The following IL15 variants were observed in gnomAD, a reference collection of about 807,000 sequenced individuals.
The protein encoded by IL15 is interleukin 15.
In IL15, 11 loss-of-function variants were observed where a neutral mutation model predicts 19.6. The ratio of observed to expected loss-of-function variants is 0.56; its 90% CI spans 0.35 to 0.93. The LOEUF (loss-of-function observed/expected upper bound fraction) is 0.93. Ranked by LOEUF, IL15 falls within the 40% of genes least tolerant of loss-of-function variation. IL15 has a pLI of 0.01. For missense variants in IL15, 197 were observed against 186.5 expected (o/e 1.06, Z -0.33); for synonymous variants, 58 against 59.6 (o/e 0.97, Z 0.12).
chr4:141,659,082 C>T (rs964476651), intron 2 of IL15, among the ~76,000 whole-genome samples: 3 of 152,024 alleles, frequency 2.0e-5, no homozygotes, highest in Non-Finnish European at 2.9e-5. Flanking sequence ...ATCTCCTGAC[C>T]TTGTGATCCA....
rs574902761 is a variant in IL15, at chr4:141,679,544, C to T, written c.-100+23237C>T. Among the ~76,000 whole-genome samples, 368 of 152,124 alleles carry T rather than the reference C, an allele frequency of 2.4e-3. 1 individual carries two copies. Among genetic ancestry groups the T allele is most frequent in the Non-Finnish European group, 3.9e-3 (264 of 67,982 alleles). ...TGATCTCAAAGGTGTTCCTTTTATTCTCTTTCTTTTATTTAACCAGAAATA... is the reference window on the plus strand; with the variant it reads ...TGATCTCAAAGGTGTTCCTTTTATTTTCTTTCTTTTATTTAACCAGAAATA... On this transcript the variant is annotated intron_variant, in intron 2 of 7. Coordinates refer to ENST00000320650, the MANE Select transcript of IL15 (RefSeq NM_000585.5).
chr4:141,659,501 A>G, intron 2 of IL15, among the ~76,000 whole-genome samples: 1 of 152,168 alleles, frequency 6.6e-6, no homozygotes, highest in East Asian at 1.9e-4. Flanking sequence ...GCACCTGGCC[A>G]GTGTCTTATT....
At chr4:141,690,122 G>A (rs888285523) in intron 2 of IL15, among the ~76,000 whole-genome samples, 3 of 152,156 alleles carry the variant, frequency 2.0e-5, no homozygotes, top group Non-Finnish European at 4.4e-5. Context: ...CTCATTGCCC[G>A]GGGCCAGCAC....
chr4:141,676,009 GA>G (rs1047553498), intron 2 of IL15, among the ~76,000 whole-genome samples: 2 of 151,910 alleles, frequency 1.3e-5, no homozygotes, highest in African/African-American at 4.8e-5. Context: ...CTACTCTGGG[GA>G]AAAAAAGCCA....
At position 141,732,896 on chromosome 4, in the gene IL15, T is replaced by C; in HGVS notation, c.*48T>C. 2 of 1,587,068 alleles carry C rather than the reference T, an allele frequency of 1.3e-6. No homozygotes were observed. Among genetic ancestry groups the C allele is most frequent in the Non-Finnish European group, 1.7e-6 (2 of 1,170,202 alleles). ...TGTTTCTGTTATTAACAAACATCAC[T>C]CTGCTGCTTAGACATAACAAAACAC... On this transcript the variant is annotated 3_prime_UTR_variant, in exon 8 of 8. Transcript: ENST00000320650.
chr4:141,717,743 C>T (rs1579048111), intron 2 of IL15: 1 of 152,256 alleles, frequency 6.6e-6, no homozygotes, highest in African/African-American at 2.4e-5. Context: ...TCACCACAAC[C>T]TCTTTCTCCC....
intron 2 of IL15, among the ~76,000 whole-genome samples, chr4:141,708,739 G>T (rs1446885427): frequency 6.6e-6 from 1 of 152,096 alleles, no homozygotes; most frequent in Non-Finnish European, 1.5e-5. Context: ...TGTTGCCACT[G>T]CCAGGGTGCT....
In IL15 at chr4:141,656,294, C is replaced by T. The variant is rs1200412056; in HGVS notation, c.-113C>T. 1 of 398,070 alleles carries T rather than the reference C, an allele frequency of 2.5e-6. No individual in the cohort carries two copies. The highest frequency in any genetic ancestry group is 4.4e-6 in the Non-Finnish European group (1 of 225,862). The allele number at this position is 398,070 out of a possible 1,614,324, so 24.7% of individuals were successfully genotyped here. A position where few individuals can be genotyped will look rare whatever the true frequency, so the allele number is the denominator to read the frequency against. On this transcript the variant is annotated 5_prime_UTR_variant, in exon 2 of 8. Transcript: ENST00000320650. ...AAATCAATGTTAGCAGATAGCCAGC[C>T]CATACAAGATCGTGTAAGTAAAGTT... is the stretch of plus-strand genomic sequence containing the variant.
At chr4:141,676,906 C>T (rs925373035) in intron 2 of IL15, among the ~76,000 whole-genome samples, 1 of 152,098 alleles carries the variant, frequency 6.6e-6, no homozygotes, top group Non-Finnish European at 1.5e-5. Context: ...GTGCCAGTGC[C>T]ACACTATGAG....
rs369940493 is a variant in IL15 at position 141,732,725 on chromosome 4, C to A, written c.379-13C>A. The A allele has an allele frequency of 2.9e-4, 459 of 1,605,626 alleles. 1 individual carries two copies. The East Asian group carries it at 3.2e-3, about 11-fold the overall frequency. ...TATAAATTGCCAATTTAATCTCTCT[C>A]TATATTTTGCAGAATGTAACAGAAT... On this transcript the variant is annotated splice_polypyrimidine_tract_variant and intron_variant, in intron 7 of 7. Transcript: ENST00000320650.
chr4:141,711,167 G>A (rs1039409209), intron 2 of IL15, among the ~76,000 whole-genome samples: 3 of 152,080 alleles, frequency 2.0e-5, no homozygotes, highest in East Asian at 3.8e-4. Flanking sequence ...TCTTAAAATT[G>A]TATCTCAATA....
chr4:141,639,755 C>G (rs890037868), intron 1 of IL15, among the ~76,000 whole-genome samples: 4 of 152,188 alleles, frequency 2.6e-5, no homozygotes, highest in African/African-American at 9.6e-5. Flanking sequence ...GATTTACTTA[C>G]CCGTTGATTA....
At chr4:141,678,857 C>T (rs940844988) in intron 2 of IL15, among the ~76,000 whole-genome samples, 11 of 152,134 alleles carry the variant, frequency 7.2e-5, no homozygotes, top group Admixed American at 3.3e-4. Context: ...GCCCAGGCCT[C>T]CCAAAGTGTT....
chr4:141,700,333 A>G (rs1033508079), intron 2 of IL15, among the ~76,000 whole-genome samples: 5 of 152,168 alleles, frequency 3.3e-5, no homozygotes, highest in African/African-American at 1.2e-4. Flanking sequence ...AAATTCCCTC[A>G]GTGTTTGTTT....
intron 4 of IL15, chr4:141,721,079 T>A: frequency 7.2e-7 from 1 of 1,388,422 alleles, no homozygotes; most frequent in Non-Finnish European, 9.9e-7. Flanking sequence ...TATACCCAGT[T>A]GGCCCAAAGC....
At chr4:141,682,270 T>G (rs748804822) in intron 2 of IL15, among the ~76,000 whole-genome samples, 7 of 152,190 alleles carry the variant, frequency 4.6e-5, no homozygotes, top group Non-Finnish European at 8.8e-5. Flanking sequence ...AATATCTACC[T>G]CTCCTTAAAT....
In IL15 at chr4:141,727,941, C is replaced by A; in HGVS notation, c.197C>A (p.Ser66Tyr). 2 of 1,268,464 alleles carry A rather than the reference C, an allele frequency of 1.6e-6. No individual in the cohort carries two copies. Among genetic ancestry groups the A allele is most frequent in the Non-Finnish European group, 2.3e-6 (2 of 887,220 alleles). The allele number at this position is 1,268,464 out of a possible 1,614,324, so 78.6% of individuals were successfully genotyped here. A position where few individuals can be genotyped will look rare whatever the true frequency, so the allele number is the denominator to read the frequency against. Residue 66 changes from serine to tyrosine, a missense_variant and splice_region_variant, in exon 6 of 8, where the codon TCT (serine) becomes TAT (tyrosine). By Grantham distance (144) the Ser-to-Tyr change is moderately radical (BLOSUM62 -2). Coordinates refer to ENST00000320650, the MANE Select transcript of IL15 (RefSeq NM_000585.5). Reference protein sequence around the residue: ...DLKKIEDLIQSMHIDATLYTE... With the variant: ...DLKKIEDLIQYMHIDATLYTE... ...TTGTCTAATTTTGTTTCCTTTCAGT[C>A]TATGCATATTGATGCTACTTTATAT...
At chr4:141,680,315 T>C (rs958777386) in intron 2 of IL15, among the ~76,000 whole-genome samples, 1 of 152,186 alleles carries the variant, frequency 6.6e-6, no homozygotes. Flanking sequence ...GGAAGGCAAA[T>C]GCCACCAATA....
intron 2 of IL15, among the ~76,000 whole-genome samples, chr4:141,674,618 TG>T (rs1728280349): frequency 6.6e-6 from 1 of 151,984 alleles, no homozygotes; most frequent in African/African-American, 2.4e-5. Flanking sequence ...AAAAAATCTC[TG>T]AAGTTTCATA....
Sources: allele counts gnomAD v4.1 joint callset (sites outside exome capture counted in the v4.1 genomes callset), GRCh38; gene constraint gnomAD v4.1.1; transcripts MANE v1.5; gene names NCBI Gene and HGNC (gene_info 2026-07-23, HGNC 2026-07-21).